Variants in GALNT17 observed in about 807,000 individuals in gnomAD.
The protein encoded by GALNT17 is UDP-GalNAc:polypeptide N-acetylgalactosaminyltransferase-like 3.
GALNT17 carries 29 observed loss-of-function variants against 63.7 expected under a neutral mutation model. The ratio of observed to expected loss-of-function variants is 0.46; its 90% CI spans 0.34 to 0.62. GALNT17 has a LOEUF of 0.62. GALNT17 is among the 20% of genes least tolerant of loss of function. The pLI is 0.01. For synonymous variants in GALNT17, 305 were observed against 318.3 expected (o/e 0.96, Z 0.45); for missense variants, 603 against 799.6 (o/e 0.75, Z 2.97).
chr7:71,461,775 G>C (rs1787454452), intron 5 of GALNT17, among the ~76,000 whole-genome samples: 1 of 152,172 alleles, frequency 6.6e-6, no homozygotes, highest in Non-Finnish European at 1.5e-5. Flanking sequence ...CTCCTCCTCT[G>C]CCTTTTCCTG....
chr7:71,536,588 A>G (rs941462084), intron 5 of GALNT17, among the ~76,000 whole-genome samples: 16 of 152,278 alleles, frequency 1.1e-4, no homozygotes, highest in African/African-American at 3.8e-4. Flanking sequence ...TGATAAAACC[A>G]TCAGATCTCA....
chr7:71,650,699 T>C (rs1466566895), intron 6 of GALNT17, among the ~76,000 whole-genome samples: 1 of 152,186 alleles, frequency 6.6e-6, no homozygotes, highest in Non-Finnish European at 1.5e-5. Flanking sequence ...CCCTACCAAC[T>C]CCTTTAATCC....
chr7:71,132,712 T>A lies in GALNT17; in HGVS notation c.-91T>A, dbSNP rs986025574. The A allele has an allele frequency of 1.3e-4, 138 of 1,079,870 alleles. 2 individuals are homozygous for A. In the East Asian group the frequency reaches 3.7e-3, roughly 29 times the overall value. 66.9% of individuals were successfully genotyped at this position (1,079,870 alleles called of 1,614,324 possible). ...GCTTGGATCCCTGCCGGCCGTCTGG[T>A]GTGTGAGGCTTGCACGGCCCCTGGC... On this transcript the variant is annotated 5_prime_UTR_variant, in exon 1 of 11. Transcript: ENST00000333538.
chr7:71,472,086 G>T (rs1228435253), intron 5 of GALNT17, among the ~76,000 whole-genome samples: 1 of 152,106 alleles, frequency 6.6e-6, no homozygotes, highest in Non-Finnish European at 1.5e-5. Context: ...TCAGCATCTG[G>T]CAAGGGCCCA....
chr7:71,702,434 A>C (rs1791665198), intron 9 of GALNT17, among the ~76,000 whole-genome samples: 1 of 152,130 alleles, frequency 6.6e-6, no homozygotes, highest in Non-Finnish European at 1.5e-5. Context: ...TGATCAAGGA[A>C]AAGTCTCAGC....
In GALNT17 at chr7:71,684,239, A is replaced by C. The variant is rs1261922324; in HGVS notation, c.1500+6933A>C. Among the ~76,000 whole-genome samples the C allele has an allele frequency of 3.9e-5, 6 of 152,238 alleles. No individual in the cohort carries two copies. In the East Asian group the frequency reaches 1.2e-3, roughly 29 times the overall value. On this transcript the variant is annotated intron_variant, in intron 9 of 10. Transcript: ENST00000333538. ...TGCACGGAGAGCACCCTCCTCTGCC[A>C]GGCCCTTCTTGCTACACCGCTCCAG...
intron 5 of GALNT17, among the ~76,000 whole-genome samples, chr7:71,551,842 C>T (rs183635277): frequency 4.0e-4 from 61 of 151,578 alleles, no homozygotes; most frequent in African/African-American, 1.5e-3. Flanking sequence ...ACGGTGTTAC[C>T]TGCCTCTAGT....
intron 1 of GALNT17, among the ~76,000 whole-genome samples, chr7:71,218,292 G>A (rs1002674975): frequency 1.3e-5 from 2 of 152,058 alleles, no homozygotes; most frequent in Non-Finnish European, 2.9e-5. Context: ...TACTTGAGAG[G>A]TTGAGGACTC....
chr7:71,491,201 A>G (rs1253950883), intron 5 of GALNT17, among the ~76,000 whole-genome samples: 1 of 152,108 alleles, frequency 6.6e-6, no homozygotes, highest in African/African-American at 2.4e-5. Context: ...TCTCAGAAAA[A>G]AACAAAAAAA....
At chr7:71,443,755 G>A (rs1437308778) in intron 5 of GALNT17, among the ~76,000 whole-genome samples, 2 of 149,044 alleles carry the variant, frequency 1.3e-5, no homozygotes, top group Admixed American at 6.7e-5. Flanking sequence ...ATAGAGTTTC[G>A]CTCTTGTTGC....
intron 1 of GALNT17, among the ~76,000 whole-genome samples, chr7:71,239,308 A>C (rs1789952272): frequency 6.7e-6 from 1 of 149,838 alleles, no homozygotes; most frequent in Non-Finnish European, 1.5e-5. Context: ...CCCCCCCAAA[A>C]AAAAATAAAT....
At chr7:71,344,511 A>G (rs956736501) in intron 2 of GALNT17, among the ~76,000 whole-genome samples, 8 of 152,138 alleles carry the variant, frequency 5.3e-5, no homozygotes, top group Non-Finnish European at 8.8e-5. Context: ...TTTTCAGTAG[A>G]TGCCAGTAAA....
chr7:71,449,830 T>C (rs549601495), intron 5 of GALNT17, among the ~76,000 whole-genome samples: 6 of 151,936 alleles, frequency 3.9e-5, no homozygotes, highest in African/African-American at 1.4e-4. Flanking sequence ...TCACCTGAGG[T>C]TGGAAGTTCG....
intron 5 of GALNT17, among the ~76,000 whole-genome samples, chr7:71,460,378 C>T (rs542757785): frequency 8.1e-4 from 124 of 152,278 alleles, no homozygotes; most frequent in Non-Finnish European, 5.1e-4. Context: ...TAAATCACCA[C>T]CATCTCAAAA....
chr7:71,262,280 T>G (rs1399809840), intron 1 of GALNT17, among the ~76,000 whole-genome samples: 1 of 151,956 alleles, frequency 6.6e-6, no homozygotes, highest in East Asian at 1.9e-4. Context: ...CCTGGCTGAT[T>G]TTTAATTTTT....
At chr7:71,302,418 CA>C (rs1791217216) in intron 1 of GALNT17, among the ~76,000 whole-genome samples, 1 of 152,150 alleles carries the variant, frequency 6.6e-6, no homozygotes, top group Admixed American at 6.5e-5. Context: ...AGTGCACTGG[CA>C]TGGGGCTTCA....
intron 5 of GALNT17, among the ~76,000 whole-genome samples, chr7:71,507,164 G>A (rs1379537952): frequency 6.6e-6 from 1 of 152,160 alleles, no homozygotes; most frequent in Non-Finnish European, 1.5e-5. Flanking sequence ...AGCCCAGGAG[G>A]TCGAGGCTGC....
intron 5 of GALNT17, among the ~76,000 whole-genome samples, chr7:71,499,949 T>C (rs1156644027): frequency 1.3e-5 from 2 of 152,198 alleles, no homozygotes; most frequent in East Asian, 3.9e-4. Flanking sequence ...GAGCTTTTCC[T>C]CCTTTTGCTT....
At chr7:71,578,033 A>ATTTC in intron 6 of GALNT17, among the ~76,000 whole-genome samples, 1 of 149,714 alleles carries the variant, frequency 6.7e-6, no homozygotes, top group African/African-American at 2.5e-5. Flanking sequence ...TTATTTATTT[A>ATTTC]TTTATTTATT....
Sources: gnomAD v4.1 joint callset for allele counts (sites outside exome capture counted in the v4.1 genomes callset) on GRCh38, gnomAD v4.1.1 for gene constraint, MANE v1.5 for transcripts, NCBI Gene and HGNC (gene_info 2026-07-23, HGNC 2026-07-21) for gene names.